Variants in SLC25A46 observed in about 807,000 individuals in gnomAD.
The protein encoded by SLC25A46 is solute carrier family 25 member 46.
Under a neutral mutation model 44.6 loss-of-function variants are expected in SLC25A46, and 39 were observed. The observed-to-expected ratio is 0.87, with a 90% CI of 0.68 to 1.14. The LOEUF is 1.14. Among genes scored for constraint, SLC25A46 ranks in the 50% most tolerant of loss-of-function variants. The pLI, the probability that SLC25A46 is intolerant of heterozygous loss-of-function variation, is 0.00. For synonymous variants in SLC25A46, 202 were observed against 185.8 expected (o/e 1.09, Z -0.71); for missense variants, 547 against 522.7 (o/e 1.05, Z -0.45).
rs1799701251 is a variant in SLC25A46, at chr5:110,741,907, T to C, written c.284-140T>C. 16 of 613,190 alleles carry C rather than the reference T, an allele frequency of 2.6e-5. No homozygotes were observed. In the South Asian group the frequency reaches 3.4e-4, roughly 13 times the overall value. The allele number at this position is 613,190 out of a possible 1,614,324, so 38.0% of individuals were successfully genotyped here. ...ATTTAAATTATTTACCTGGCCCCTA[T>C]CAGAATTTGACTTTGAGGTTTAAAT... is the stretch of plus-strand genomic sequence containing the variant. On this transcript the variant is annotated intron_variant, in intron 1 of 7. Coordinates refer to ENST00000355943, the MANE Select transcript of SLC25A46 (RefSeq NM_138773.4).
At chr5:110,746,213 T>C in intron 3 of SLC25A46, 56 bp from the exon 4 acceptor site, 1 of 1,316,404 alleles carries the variant, frequency 7.6e-7, no homozygotes, top group Non-Finnish European at 1.1e-6. Flanking sequence ...TTCATGGCTC[T>C]GTTATTTCTT....
chr5:110,744,621 A>G (rs1284190703), intron 3 of SLC25A46, among the ~76,000 whole-genome samples: 3 of 152,196 alleles, frequency 2.0e-5, no homozygotes, highest in African/African-American at 7.2e-5. Context: ...ATGCATATAG[A>G]TTTTCCAAAA....
intron 6 of SLC25A46, 74 bp from the exon 7 acceptor site, chr5:110,756,623 CATATT>C: frequency 2.3e-6 from 2 of 882,586 alleles, no homozygotes; most frequent in South Asian, 3.4e-5. Flanking sequence ...ATTATGTTGA[CATATT>C]AAAGCAGATA....
In SLC25A46 at chr5:110,748,205, G is replaced by T. The variant is rs1247070528; in HGVS notation, c.505G>T (p.Val169Phe). The part of the protein sequence containing the change: ...LWKGMGSTFI[V>F]QGVTLGAEGI... Reference sequence around the variant, plus strand: ...GAAAGGAATGGGAAGTACATTTATTGTCCAGGGAGTCACACTTGGAGCAGA... The same window carrying T: ...GAAAGGAATGGGAAGTACATTTATTTTCCAGGGAGTCACACTTGGAGCAGA... Residue 169 changes from valine to phenylalanine, a missense_variant, in exon 5 of 8, where the codon GTC becomes TTC. Transcript: ENST00000355943. The T allele has an allele frequency of 6.2e-7, 1 of 1,613,660 alleles. No homozygotes were observed. Among genetic ancestry groups the T allele is most frequent in the East Asian group, 2.2e-5 (1 of 44,836 alleles).
At position 110,761,092 on chromosome 5, in the gene SLC25A46, T is replaced by C. The variant is rs1184227274; in HGVS notation, c.679-112T>C. 3.8e-6 allele frequency: 3 copies of C among 787,162 alleles called. No homozygotes were observed. Among genetic ancestry groups the C allele is most frequent in the Non-Finnish European group, 6.1e-6 (3 of 490,262 alleles). 48.8% of individuals were successfully genotyped at this position (787,162 alleles called of 1,614,324 possible). On this transcript the variant is annotated intron_variant, in intron 7 of 7. Coordinates refer to ENST00000355943, the MANE Select transcript of SLC25A46 (RefSeq NM_138773.4). The surrounding 1 kb of genome is among the most constrained non-coding windows in gnomAD (Gnocchi z 5.3). ...AGTTAAAGTCTGCAAATCATGGATG[T>C]TTCCCTCTTCAGTCACTATGTTAGG...
At chr5:110,758,122 G>A (rs1361624909) in intron 7 of SLC25A46, among the ~76,000 whole-genome samples, 1 of 151,838 alleles carries the variant, frequency 6.6e-6, no homozygotes, top group Non-Finnish European at 1.5e-5. Context: ...TCTTTTGTCT[G>A]CTTTTCTAGA....
chr5:110,741,970 T>C, intron 1 of SLC25A46, 77 bp from the exon 2 acceptor site: 9 of 1,023,180 alleles, frequency 8.8e-6, no homozygotes, highest in Non-Finnish European at 1.3e-5. Context: ...TTAAAATTGT[T>C]TTGAGACTAA....
rs1270973036 is a variant in SLC25A46 at position 110,739,147 on chromosome 5, G to C, written c.28G>C (p.Asp10His). 1.3e-6 allele frequency: 2 copies of C among 1,549,412 alleles called. No homozygotes were observed. The highest frequency in any genetic ancestry group is 1.7e-6 in the Non-Finnish European group (2 of 1,146,852). Reference sequence around the variant, plus strand: ...GCATCCGCGGCGCCCGGACGGATTTGATGGCTTGGGCTACCGGGGTGGTGC... The same window carrying C: ...GCATCCGCGGCGCCCGGACGGATTTCATGGCTTGGGCTACCGGGGTGGTGC... MHPRRPDGF[D>H]GLGYRGGARD... is the part of the protein sequence containing the mutation. The change falls in exon 1 of 8, where the codon GAT (aspartate) becomes CAT (histidine). Residue 10 changes from aspartate to histidine, a missense_variant. Physicochemically the swap from Asp to His is moderately conservative, Grantham distance 81. Transcript: ENST00000355943.
chr5:110,751,910 CTT>C (rs1434432818), intron 5 of SLC25A46, among the ~76,000 whole-genome samples: 1 of 152,100 alleles, frequency 6.6e-6, no homozygotes, highest in East Asian at 1.9e-4. Flanking sequence ...GTGTGAATAT[CTT>C]TTAAAAAATT....
Position 110,755,495 on chromosome 5 carries a change from A to G in SLC25A46, c.594A>G (p.Gln198=), listed in dbSNP as rs774774363. ...REVLHKWSPK[Q]IGEHLLLKSL... is the part of the protein sequence containing the mutation. ...TTTTACATAAATGGAGTCCTAAACA[A>G]ATAGGAGAACACCTTCTACTGAAAT... Residue 198 remains glutamine (Q), a synonymous_variant, in exon 6 of 8, where the codon CAA becomes CAG. Transcript: ENST00000355943. 7.0e-6 allele frequency: 11 copies of G among 1,575,724 alleles called. No individual in the cohort carries two copies. The South Asian group carries it at 1.3e-4, about 19-fold the overall frequency.
At chr5:110,755,324 G>A in intron 5 of SLC25A46, 141 bp from the exon 6 acceptor site, 1 of 577,840 alleles carries the variant, frequency 1.7e-6, no homozygotes, top group East Asian at 3.3e-5. Flanking sequence ...TTCTAGAAAA[G>A]AAAATGTTCA....
chr5:110,742,060 A>G lies in SLC25A46; in HGVS notation c.297A>G (p.Arg99=). 1 of 1,575,346 alleles carries G rather than the reference A, an allele frequency of 6.3e-7. No individual in the cohort carries two copies. The highest frequency in any genetic ancestry group is 2.3e-5 in the East Asian group (1 of 43,482). ...TTTTTACTTTAGAACAGCTGAATAG[A>G]TTTGCTGGATTTGGTATTGGACTTG... is the stretch of plus-strand genomic sequence containing the variant. The part of the protein sequence containing the change: ...VQGQSSEQLN[R]FAGFGIGLAS... The change falls in exon 2 of 8, where the codon AGA becomes AGG. Residue 99 remains arginine (R), a synonymous_variant. Coordinates refer to ENST00000355943, the MANE Select transcript of SLC25A46 (RefSeq NM_138773.4).
rs761373738 is a variant in SLC25A46 at position 110,739,419 on chromosome 5, C to T, written c.283+17C>T. ...AGAGCAGTGGTGAGAAGCATGGGGA[C>T]CGACACAGGGATGAGGGGTTACTGG... On this transcript the variant is annotated intron_variant, in intron 1 of 7. Coordinates refer to ENST00000355943, the MANE Select transcript of SLC25A46 (RefSeq NM_138773.4). 5.9e-6 allele frequency: 9 copies of T among 1,535,746 alleles called. No homozygotes were observed. The highest frequency in any genetic ancestry group is 7.0e-6 in the Non-Finnish European group (8 of 1,146,972).
At chr5:110,745,946 T>G in intron 3 of SLC25A46, 1 of 177,710 alleles carries the variant, frequency 5.6e-6, no homozygotes, top group Non-Finnish European at 1.2e-5. Context: ...GAAAAATGCT[T>G]GCCTAAAATG....
Position 110,765,149 on chromosome 5 carries a change from C to T in SLC25A46, c.*3367C>T, listed in dbSNP as rs1459373459. The T allele has an allele frequency of 1.3e-5, 2 of 151,096 alleles. No homozygotes were observed. The highest frequency in any genetic ancestry group is 2.4e-5 in the African/African-American group (1 of 41,124). The allele number at this position is 151,096 out of a possible 1,614,324, so 9.4% of individuals were successfully genotyped here. ...TAATATGAAAAGTTCAATAAAATGT[C>T]GAAATAAAGCCACTGTTTTTCTCCT... On this transcript the variant is annotated 3_prime_UTR_variant, in exon 8 of 8. Transcript: ENST00000355943.
chr5:110,739,944 T>C (rs1044375763), intron 1 of SLC25A46, among the ~76,000 whole-genome samples: 10 of 151,680 alleles, frequency 6.6e-5, no homozygotes, highest in Non-Finnish European at 1.5e-4. Flanking sequence ...AAAAAAAAAG[T>C]TTCCTTCCTT....
In SLC25A46 at chr5:110,741,976, ACTAAAC is replaced by A; in HGVS notation, c.284-65_284-60del. On this transcript the variant is annotated intron_variant, in intron 1 of 7. Transcript: ENST00000355943. ...ATAAATTTTTTAAAATTGTTTTGAG[ACTAAAC>A]CTAAATTGTCAGTAATTGGTTATCA... 7.4e-6 allele frequency: 8 copies of A among 1,080,608 alleles called. No homozygotes were observed. In the South Asian group the frequency reaches 1.2e-4, roughly 16 times the overall value. 66.9% of individuals were successfully genotyped at this position (1,080,608 alleles called of 1,614,324 possible).
chr5:110,739,602 C>T (rs1799574636), intron 1 of SLC25A46, among the ~76,000 whole-genome samples, 200 bp downstream of exon 1: 2 of 152,232 alleles, frequency 1.3e-5, no homozygotes, highest in African/African-American at 4.8e-5. Flanking sequence ...CCTGGATCAA[C>T]TCCAAAAAAG....
At chr5:110,741,402 G>A (rs1799687752) in intron 1 of SLC25A46, among the ~76,000 whole-genome samples, 1 of 152,078 alleles carries the variant, frequency 6.6e-6, no homozygotes, top group African/African-American at 2.4e-5. Context: ...TGAAGAGATG[G>A]GGGAGAGCTG....
Sources: allele counts gnomAD v4.1 joint callset (sites outside exome capture counted in the v4.1 genomes callset), GRCh38; gene constraint gnomAD v4.1.1; non-coding constraint Gnocchi (gnomAD v3.1); transcripts MANE v1.5; gene names NCBI Gene and HGNC (gene_info 2026-07-23, HGNC 2026-07-21).